Variants in RBFOX1 observed in about 807,000 individuals in gnomAD.
RBFOX1 encodes the protein RNA binding protein fox-1 homolog 1.
In RBFOX1, 8 loss-of-function variants were observed where a neutral mutation model predicts 57.7. The observed-to-expected ratio is 0.14, with a 90% CI of 0.08 to 0.25. RBFOX1 has a LOEUF of 0.25. Ranked by LOEUF, RBFOX1 falls within the 10% of genes least tolerant of loss-of-function variation. The pLI is 1.00. For missense variants in RBFOX1, 611 were observed against 548.5 expected (o/e 1.11, Z -1.14); for synonymous variants, 326 against 222.4 (o/e 1.47, Z -4.15).
intron 3 of RBFOX1, among the ~76,000 whole-genome samples, chr16:6,877,245 A>T (rs2062016656): frequency 2.0e-5 from 3 of 152,220 alleles, no homozygotes; most frequent in Non-Finnish European, 4.4e-5. Context: ...TAAATCCCAC[A>T]TGTTGACATG....
chr16:6,992,837 CAAAAAA>C (rs3048923), intron 3 of RBFOX1, among the ~76,000 whole-genome samples: 2 of 118,590 alleles, frequency 1.7e-5, no homozygotes, highest in African/African-American at 6.4e-5. Flanking sequence ...CTTCCTTTTC[CAAAAAA>C]AAAAAAAAAA....
At chr16:5,896,238 T>A (rs898992660) in intron 4 of RBFOX1, among the ~76,000 whole-genome samples, 3 of 152,156 alleles carry the variant, frequency 2.0e-5, no homozygotes, top group East Asian at 1.9e-4. Context: ...TGCTACAGTT[T>A]AGATGTTTGT....
Position 5,833,056 on chromosome 16 carries a change from G to A in RBFOX1, c.319-34247G>A, listed in dbSNP as rs565021231. ...ACAATTTTCCATTCAATTTCAGGGT[G>A]TCCACAGATTTCTATGGTACAGTAC... On this transcript the variant is annotated intron_variant, in intron 3 of 19. Coordinates refer to the RBFOX1 transcript ENST00000641259. Among the ~76,000 whole-genome samples the A allele has an allele frequency of 7.2e-5, 11 of 152,254 alleles. No individual in the cohort carries two copies. In the South Asian group the frequency reaches 1.9e-3, roughly 26 times the overall value.
At chr16:7,480,959 G>C (rs1599546169) in intron 4 of RBFOX1, among the ~76,000 whole-genome samples, 1 of 152,134 alleles carries the variant, frequency 6.6e-6, no homozygotes, top group East Asian at 1.9e-4. Flanking sequence ...CAATGCTACT[G>C]TCTTTTCCAC....
rs1389281405 is a variant in RBFOX1, at chr16:5,619,921, A to AT, written c.318+20966dup. 2.7e-5 allele frequency among the ~76,000 whole-genome samples: 4 copies of AT among 149,808 alleles called. No homozygotes were observed. The Admixed American group carries it at 2.7e-4, about 10-fold the overall frequency. On this transcript the variant is annotated intron_variant, in intron 3 of 19. Transcript: ENST00000641259. ...AATATGCTGACTTTCTACAGCCATT[A>AT]TTTTTTACTGTGCTCTTTCTGTTTT...
intron 3 of RBFOX1, among the ~76,000 whole-genome samples, chr16:6,926,053 C>T (rs2075524076): frequency 6.6e-6 from 1 of 152,044 alleles, no homozygotes; most frequent in Non-Finnish European, 1.5e-5. Flanking sequence ...TCGTGTTAGT[C>T]CCAGCACTTT....
At chr16:5,275,667 A>T (rs902215279) in intron 1 of RBFOX1, among the ~76,000 whole-genome samples, 4 of 152,194 alleles carry the variant, frequency 2.6e-5, no homozygotes, top group African/African-American at 7.2e-5. Flanking sequence ...ATCATTCTTT[A>T]TAGAACTAGA....
At chr16:6,110,473 T>G (rs1048635141) in intron 1 of RBFOX1, among the ~76,000 whole-genome samples, 1 of 152,118 alleles carries the variant, frequency 6.6e-6, no homozygotes, top group Non-Finnish European at 1.5e-5. Context: ...ACCTAAGTAG[T>G]GTGCATTTTT....
intron 1 of RBFOX1, among the ~76,000 whole-genome samples, chr16:6,309,437 C>T: frequency 6.6e-6 from 1 of 152,206 alleles, no homozygotes; most frequent in East Asian, 1.9e-4. Flanking sequence ...GGGACCCAAA[C>T]TTGCCCCTTG....
At chr16:7,419,560 G>A (rs1374567666) in intron 4 of RBFOX1, among the ~76,000 whole-genome samples, 2 of 152,214 alleles carry the variant, frequency 1.3e-5, no homozygotes, top group African/African-American at 4.8e-5. Context: ...AAATGTTGCG[G>A]CATATGCAAG....
intron 1 of RBFOX1, among the ~76,000 whole-genome samples, chr16:6,144,987 C>T (rs1293894687): frequency 2.6e-5 from 4 of 152,078 alleles, no homozygotes; most frequent in African/African-American, 9.7e-5. Context: ...TGGCTACAAG[C>T]CAGTGAGATA....
At chr16:6,365,246 G>A (rs2030397343) in intron 2 of RBFOX1, among the ~76,000 whole-genome samples, 1 of 152,086 alleles carries the variant, frequency 6.6e-6, no homozygotes, top group Non-Finnish European at 1.5e-5. Context: ...ATGGATAGAG[G>A]GACAGATGGA....
chr16:6,314,815 G>A (rs1185402527), intron 1 of RBFOX1, among the ~76,000 whole-genome samples: 1 of 152,200 alleles, frequency 6.6e-6, no homozygotes, highest in Non-Finnish European at 1.5e-5. Context: ...AGATAATCCT[G>A]CATTGGAGGC....
intron 4 of RBFOX1, among the ~76,000 whole-genome samples, chr16:7,511,865 GT>G (rs2075182667): frequency 6.7e-6 from 1 of 148,382 alleles, no homozygotes; most frequent in Non-Finnish European, 1.5e-5. Context: ...AGCAGCAATA[GT>G]GGGTCTTAAA....
At chr16:6,773,558 G>T (rs530413047) in intron 3 of RBFOX1, among the ~76,000 whole-genome samples, 2 of 142,928 alleles carry the variant, frequency 1.4e-5, no homozygotes, top group Non-Finnish European at 3.0e-5. Context: ...GTGCATTTGT[G>T]TGTGTATGTG....
intron 4 of RBFOX1, among the ~76,000 whole-genome samples, chr16:7,118,874 A>G (rs976748562): frequency 6.6e-6 from 1 of 152,116 alleles, no homozygotes; most frequent in African/African-American, 2.4e-5. Context: ...GCACATAGAG[A>G]ACTTGCTCAG....
chr16:5,748,074 G>A (rs1461815432), intron 3 of RBFOX1, among the ~76,000 whole-genome samples: 1 of 152,150 alleles, frequency 6.6e-6, no homozygotes, highest in Admixed American at 6.5e-5. Context: ...GGTATGTTGT[G>A]TCTTTGTTCT....
chr16:5,647,600 A>C (rs1482513769), intron 3 of RBFOX1, among the ~76,000 whole-genome samples: 1 of 152,068 alleles, frequency 6.6e-6, no homozygotes, highest in Non-Finnish European at 1.5e-5. Flanking sequence ...CCATTTCTCC[A>C]GTGTGGGAAA....
intron 4 of RBFOX1, among the ~76,000 whole-genome samples, chr16:7,508,497 C>G (rs879695501): frequency 6.6e-6 from 1 of 152,016 alleles, no homozygotes; most frequent in African/African-American, 2.4e-5. Context: ...CTCTTGTCCT[C>G]TGTGTTTATG....
Sources: allele counts gnomAD v4.1 joint callset (sites outside exome capture counted in the v4.1 genomes callset), GRCh38; gene constraint gnomAD v4.1.1; transcripts MANE v1.5; gene names NCBI Gene and HGNC (gene_info 2026-07-23, HGNC 2026-07-21).